The following CACNA2D3 variants were observed in gnomAD, a reference collection of about 807,000 sequenced individuals.
CACNA2D3 encodes the protein voltage-dependent calcium channel subunit alpha-2/delta-3.
In CACNA2D3, 60 loss-of-function variants were observed where a neutral mutation model predicts 160.6. The observed-to-expected ratio is 0.37, with a 90% confidence interval of 0.30 to 0.46. The LOEUF (loss-of-function observed/expected upper bound fraction) is 0.46. Ranked by LOEUF, CACNA2D3 falls within the 20% of genes least tolerant of loss-of-function variation. CACNA2D3 has a pLI of 1.00. For missense variants in CACNA2D3, 1,205 were observed against 1,365.0 expected (o/e 0.88, Z 1.85); for synonymous variants, 558 against 492.9 (o/e 1.13, Z -1.75).
chr3:54,231,927 A>C (rs1226497268), intron 2 of CACNA2D3, among the ~76,000 whole-genome samples: 1 of 152,194 alleles, frequency 6.6e-6, no homozygotes, highest in East Asian at 1.9e-4. Context: ...AGGCTATTGC[A>C]CTGGCCCTTG....
At chr3:54,564,439 G>A (rs188339622) in intron 6 of CACNA2D3, among the ~76,000 whole-genome samples, 9 of 152,278 alleles carry the variant, frequency 5.9e-5, no homozygotes, top group Non-Finnish European at 1.0e-4. Context: ...TAGTAAAGAC[G>A]TGGGCCGCAG....
chr3:54,949,764 C>G (rs553602510), intron 27 of CACNA2D3, among the ~76,000 whole-genome samples: 33 of 152,054 alleles, frequency 2.2e-4, no homozygotes, highest in Non-Finnish European at 4.0e-4. Flanking sequence ...TGGTCTCTGC[C>G]ACAGATAGAT....
At chr3:54,157,476 G>A (rs551787659) in intron 2 of CACNA2D3, among the ~76,000 whole-genome samples, 1 of 152,282 alleles carries the variant, frequency 6.6e-6, no homozygotes, top group Non-Finnish European at 1.5e-5. Flanking sequence ...AAACAACGAT[G>A]TGACTTTGGT....
chr3:54,893,079 C>A (rs112886036), intron 25 of CACNA2D3, among the ~76,000 whole-genome samples: 3,518 of 152,206 alleles, frequency 0.023, 138 homozygotes, highest in African/African-American at 0.08. Flanking sequence ...AGTTTGAGAC[C>A]AGCCTGGTCA....
chr3:55,039,442 G>T (rs932714599), intron 35 of CACNA2D3, among the ~76,000 whole-genome samples: 1 of 152,200 alleles, frequency 6.6e-6, no homozygotes, highest in African/African-American at 2.4e-5. Context: ...TAGTGTGACA[G>T]ACATACAAAA....
intron 3 of CACNA2D3, among the ~76,000 whole-genome samples, chr3:54,375,112 G>T (rs1028360698): frequency 6.6e-6 from 1 of 152,094 alleles, no homozygotes; most frequent in African/African-American, 2.4e-5. Context: ...AGATGAGAAG[G>T]CTTCTTGTAC....
intron 11 of CACNA2D3, among the ~76,000 whole-genome samples, chr3:54,744,716 C>G (rs1016610656): frequency 3.3e-5 from 5 of 152,214 alleles, no homozygotes; most frequent in Admixed American, 2.0e-4. Context: ...GGATGGAAGA[C>G]TTGGCTTTCC....
intron 10 of CACNA2D3, among the ~76,000 whole-genome samples, chr3:54,635,388 T>C (rs1699348816): frequency 6.6e-6 from 1 of 151,996 alleles, no homozygotes; most frequent in Non-Finnish European, 1.5e-5. Context: ...TCAGCTATGA[T>C]GGCTTGGAGA....
At chr3:54,463,605 C>T (rs1005036787) in intron 4 of CACNA2D3, among the ~76,000 whole-genome samples, 1 of 152,322 alleles carries the variant, frequency 6.6e-6, no homozygotes, top group Admixed American at 6.5e-5. Context: ...GTTCTCGAGC[C>T]TTGGCTTTCA....
At chr3:54,146,464 C>G (rs1700030646) in intron 2 of CACNA2D3, among the ~76,000 whole-genome samples, 1 of 152,222 alleles carries the variant, frequency 6.6e-6, no homozygotes, top group African/African-American at 2.4e-5. Context: ...AGCTGATAAG[C>G]TAGGTCTGCC....
chr3:54,220,879 C>T (rs148351663), intron 2 of CACNA2D3, among the ~76,000 whole-genome samples: 25 of 152,262 alleles, frequency 1.6e-4, no homozygotes, highest in African/African-American at 5.3e-4. Flanking sequence ...TTATAGAGTG[C>T]GTGACTGAGT....
intron 13 of CACNA2D3, among the ~76,000 whole-genome samples, chr3:54,771,653 C>G (rs1445616519): frequency 6.6e-6 from 1 of 152,242 alleles, no homozygotes; most frequent in East Asian, 1.9e-4. Flanking sequence ...AAAAATACAT[C>G]TCTCTGATGC....
intron 31 of CACNA2D3, among the ~76,000 whole-genome samples, chr3:54,990,998 A>G (rs759788716): frequency 3.9e-5 from 6 of 152,192 alleles, no homozygotes; most frequent in Non-Finnish European, 5.9e-5. Flanking sequence ...CCTAGTATCC[A>G]GGATCCAACT....
intron 11 of CACNA2D3, among the ~76,000 whole-genome samples, chr3:54,676,713 A>G (rs114685458): frequency 6.6e-6 from 1 of 152,282 alleles, no homozygotes; most frequent in Non-Finnish European, 1.5e-5. Context: ...TAGTTGGGGA[A>G]GGTCGGAGGT....
At chr3:54,775,456 ACT>A (rs1312235257) in intron 13 of CACNA2D3, among the ~76,000 whole-genome samples, 1 of 152,032 alleles carries the variant, frequency 6.6e-6, no homozygotes, top group Non-Finnish European at 1.5e-5. Flanking sequence ...TCCCAGGGAG[ACT>A]CTGAAGCATT....
chr3:54,454,917 G>A (rs1487870153), intron 4 of CACNA2D3, among the ~76,000 whole-genome samples: 1 of 152,050 alleles, frequency 6.6e-6, no homozygotes, highest in African/African-American at 2.4e-5. Flanking sequence ...TGCAGCAAGT[G>A]ACGGAATTTC....
chr3:54,832,011 TCACACACACACACACACACACACACA>T (rs60020847), intron 14 of CACNA2D3, among the ~76,000 whole-genome samples: 1 of 118,860 alleles, frequency 8.4e-6, no homozygotes, highest in African/African-American at 3.3e-5. Context: ...CTCTTCTCTG[TCACACACACACACACACACACACACA>T]CACACACACA....
At chr3:54,326,978 G>C (rs543317075) in intron 3 of CACNA2D3, among the ~76,000 whole-genome samples, 8 of 152,040 alleles carry the variant, frequency 5.3e-5, no homozygotes, top group Admixed American at 2.0e-4. Flanking sequence ...TTGCAAAATC[G>C]TACGTATATA....
chr3:54,736,054 TATGTATGTATATATATATAC>T (rs751434505), intron 11 of CACNA2D3, among the ~76,000 whole-genome samples: 6,538 of 74,204 alleles, frequency 0.088, 1,327 homozygotes, highest in Non-Finnish European at 0.13. Flanking sequence ...TACACATACA[TATGTATGTATATATATATAC>T]ATATATATGT....
Sources: allele counts gnomAD v4.1 joint callset (sites outside exome capture counted in the v4.1 genomes callset), GRCh38; gene constraint gnomAD v4.1.1; transcripts MANE v1.5; gene names NCBI Gene and HGNC (gene_info 2026-07-23, HGNC 2026-07-21).